MGAT4C: variants seen among roughly 807,000 people sequenced by gnomAD.
MGAT4C encodes MGAT4 family member C, also known as alpha-1,3-mannosyl-glycoprotein 4-beta-N-acetylglucosaminyltransferase C.
Under a neutral mutation model 40.1 loss-of-function variants are expected in MGAT4C, and 19 were observed. The ratio of observed to expected loss-of-function variants is 0.47; its 90% CI spans 0.33 to 0.70. The LOEUF (loss-of-function observed/expected upper bound fraction) is 0.70, where lower values mean the gene tolerates loss of function less well. Ranked by LOEUF, MGAT4C falls within the 30% of genes least tolerant of loss-of-function variation. MGAT4C has a pLI of 0.02. For synonymous variants in MGAT4C, 181 were observed against 187.1 expected, an observed-to-expected ratio of 0.97 and a Z score of 0.27; for missense variants, 491 against 563.2, an observed-to-expected ratio of 0.87 and a Z score of 1.30.
chr12:86,253,434 A>T (rs1192737890), intron 1 of MGAT4C, among the ~76,000 whole-genome samples: 1 of 151,936 alleles, frequency 6.6e-6, no homozygotes, highest in Non-Finnish European at 1.5e-5. Context: ...TCCTCCATTT[A>T]CTGACTTACT....
At chr12:86,078,781 AG>A (rs1870280755) in intron 1 of MGAT4C, among the ~76,000 whole-genome samples, 1 of 152,152 alleles carries the variant, frequency 6.6e-6, no homozygotes, top group Non-Finnish European at 1.5e-5. Context: ...GGCTGGGCAA[AG>A]AGGCTGATTG....
chr12:86,750,271 C>T (rs141389543), intron 1 of MGAT4C, among the ~76,000 whole-genome samples: 102 of 151,984 alleles, frequency 6.7e-4, no homozygotes, highest in African/African-American at 2.3e-3. Flanking sequence ...CTACCAATCA[C>T]TCTTATCAGA....
chr12:86,426,420 TTTATC>T (rs1206664463), intron 3 of MGAT4C, among the ~76,000 whole-genome samples: 1 of 152,132 alleles, frequency 6.6e-6, no homozygotes, highest in African/African-American at 2.4e-5. Flanking sequence ...AATAAACACA[TTTATC>T]TTAGTTATTT....
At chr12:86,182,012 G>T (rs1426546600) in intron 1 of MGAT4C, among the ~76,000 whole-genome samples, 2 of 151,482 alleles carry the variant, frequency 1.3e-5, no homozygotes, top group Non-Finnish European at 2.9e-5. Flanking sequence ...TCTATCTACT[G>T]CATTGTACTA....
At chr12:86,464,471 C>A (rs2406137) in intron 2 of MGAT4C, among the ~76,000 whole-genome samples, 151,687 of 152,254 alleles carry the variant, frequency 1, 75,561 homozygotes, top group Middle Eastern at 1. Context: ...TGATTGTAAC[C>A]TTATATTTGA....
At chr12:86,640,495 T>G (rs966007470) in intron 2 of MGAT4C, among the ~76,000 whole-genome samples, 1 of 152,000 alleles carries the variant, frequency 6.6e-6, no homozygotes, top group Non-Finnish European at 1.5e-5. Flanking sequence ...TTCTCTCTTT[T>G]CTTCTTTATT....
chr12:86,703,948 TC>T (rs1170719631), intron 2 of MGAT4C, among the ~76,000 whole-genome samples: 1 of 152,144 alleles, frequency 6.6e-6, no homozygotes, highest in Non-Finnish European at 1.5e-5. Flanking sequence ...GAAGCAACAG[TC>T]CTACTTTTAT....
chr12:86,760,878 A>G (rs1261148762), intron 1 of MGAT4C, among the ~76,000 whole-genome samples: 1 of 152,168 alleles, frequency 6.6e-6, no homozygotes, highest in African/African-American at 2.4e-5. Context: ...CACTTGTATA[A>G]AACTAGAAAA....
intron 1 of MGAT4C, among the ~76,000 whole-genome samples, chr12:86,235,081 T>A (rs925314719): frequency 6.6e-6 from 1 of 152,178 alleles, no homozygotes; most frequent in African/African-American, 2.4e-5. Context: ...CCTCTCTTAT[T>A]CCATTGCTGG....
At chr12:86,106,592 A>G (rs1041881612) in intron 1 of MGAT4C, among the ~76,000 whole-genome samples, 2 of 152,086 alleles carry the variant, frequency 1.3e-5, no homozygotes, top group Admixed American at 1.3e-4. Context: ...GGCGTGAGCC[A>G]TGGCACCTGC....
intron 1 of MGAT4C, among the ~76,000 whole-genome samples, chr12:86,230,935 T>C (rs1951295480): frequency 6.6e-6 from 1 of 151,862 alleles, no homozygotes; most frequent in Non-Finnish European, 1.5e-5. Context: ...CATTATATTA[T>C]GAACAGTTCA....
chr12:86,818,135 G>T (rs1324795639), intron 1 of MGAT4C, among the ~76,000 whole-genome samples: 3 of 151,206 alleles, frequency 2.0e-5, no homozygotes, highest in African/African-American at 7.3e-5. Context: ...GGGGAGAAAT[G>T]TGCCAATAAA....
chr12:86,280,967 C>T (rs761642510), intron 4 of MGAT4C, among the ~76,000 whole-genome samples: 1 of 151,940 alleles, frequency 6.6e-6, no homozygotes, highest in Non-Finnish European at 1.5e-5. Flanking sequence ...AATTAGAGTG[C>T]TTAATCCATT....
chr12:86,428,074 G>A (rs935634184), intron 3 of MGAT4C, among the ~76,000 whole-genome samples: 1 of 151,824 alleles, frequency 6.6e-6, no homozygotes, highest in Non-Finnish European at 1.5e-5. Context: ...AAAAAAACCC[G>A]CTAATATAGT....
At chr12:86,630,934 T>A (rs1963015998) in intron 2 of MGAT4C, among the ~76,000 whole-genome samples, 1 of 152,112 alleles carries the variant, frequency 6.6e-6, no homozygotes, top group Admixed American at 6.6e-5. Context: ...AAATAAAGCG[T>A]ATTCAATTAG....
At chr12:86,063,932 C>G (rs1194039831) in intron 1 of MGAT4C, among the ~76,000 whole-genome samples, 1 of 152,144 alleles carries the variant, frequency 6.6e-6, no homozygotes, top group Non-Finnish European at 1.5e-5. Context: ...GAGACTTAGA[C>G]TCCCACACAA....
chr12:86,750,202 G>T (rs1193023668), intron 1 of MGAT4C, among the ~76,000 whole-genome samples: 1 of 151,778 alleles, frequency 6.6e-6, no homozygotes, highest in Non-Finnish European at 1.5e-5. Context: ...CTAAAGTGGA[G>T]TATCATAGGC....
chr12:86,084,065 C>T (rs551483171), intron 1 of MGAT4C, among the ~76,000 whole-genome samples: 5 of 151,998 alleles, frequency 3.3e-5, no homozygotes, highest in Non-Finnish European at 7.4e-5. Context: ...CATTCAACAA[C>T]TATTTCTGAG....
intron 4 of MGAT4C, among the ~76,000 whole-genome samples, chr12:85,981,480 T>G (rs1884600491): frequency 1.3e-5 from 2 of 152,138 alleles, no homozygotes; most frequent in African/African-American, 4.8e-5. Context: ...AGATTGTGAT[T>G]TACACATTTC....
Sources: allele counts gnomAD v4.1 joint callset (sites outside exome capture counted in the v4.1 genomes callset), GRCh38; gene constraint gnomAD v4.1.1; transcripts MANE v1.5; gene names NCBI Gene and HGNC (gene_info 2026-07-23, HGNC 2026-07-21).